NBPF14: variants seen among roughly 807,000 people sequenced by gnomAD.
NBPF14 encodes the protein NBPF family member NBPF14.
Under a neutral mutation model 91.2 loss-of-function variants are expected in NBPF14, and 104 were observed. The observed-to-expected ratio is 1.14, with a 90% CI of 0.97 to 1.34. The LOEUF is 1.34. Ranked by LOEUF, NBPF14 falls within the 40% of genes most tolerant of loss-of-function variation. The pLI, the probability that NBPF14 is intolerant of heterozygous loss-of-function variation, is 0.00. For missense variants in NBPF14, 908 were observed against 783.0 expected, an observed-to-expected ratio of 1.16 and a Z score of -1.91; for synonymous variants, 294 against 303.8, an observed-to-expected ratio of 0.97 and a Z score of 0.34.
chr1:148,586,024 G>A lies in NBPF14; in HGVS notation c.1306+231C>T, dbSNP rs1197735867. ...TAAAACTAGACAGATGCTGCCTCTT[G>A]CTCCAAAGACCACCTTCCATCAAGG... On this transcript the variant is annotated intron_variant, in intron 9 of 70. Coordinates refer to ENST00000619423, the Ensembl canonical transcript of NBPF14. Among the ~76,000 whole-genome samples the A allele has an allele frequency of 2.2e-4, 33 of 147,996 alleles. No homozygotes were observed. In the South Asian group the frequency reaches 2.4e-3, roughly 11 times the overall value.
At position 148,535,347 on chromosome 1, in the gene NBPF14, T is replaced by C. The variant is rs1177019044; in HGVS notation, c.8441+106A>G. The C allele has an allele frequency of 4.6e-5, 27 of 581,664 alleles. 1 individual carries two copies. Among genetic ancestry groups the C allele is most frequent in the African/African-American group, 4.4e-4 (21 of 47,968 alleles). The allele number at this position is 581,664 out of a possible 1,614,324, so 36.0% of individuals were successfully genotyped here. ...CAACAGCAATGTCAGTAGGAGTAAT[T>C]CAACCTTCGCTGAAAACATGAAATT... On this transcript the variant is annotated intron_variant, in intron 68 of 70. Transcript: ENST00000619423.
exon 71 of NBPF14, chr1:148,532,226 T>A (rs1653867227): frequency 6.6e-6 from 1 of 150,770 alleles, no homozygotes; most frequent in African/African-American, 2.4e-5. Context: ...TGCAGTTGTC[T>A]GGTGATTACC....
chr1:148,532,394 A>C (rs1366855760), exon 71 of NBPF14: 9 of 163,310 alleles, frequency 5.5e-5, no homozygotes, highest in Admixed American at 5.1e-4. Flanking sequence ...AGGCCTCCCA[A>C]TGCTGTTTGT....
intron 59 of NBPF14, among the ~76,000 whole-genome samples, chr1:148,542,173 C>G (rs1395566197): frequency 2.9e-5 from 3 of 103,884 alleles, no homozygotes; most frequent in Admixed American, 8.4e-5. Context: ...AATATTTAGC[C>G]CTGTCTCAAC....
intron 6 of NBPF14, among the ~76,000 whole-genome samples, chr1:148,590,020 C>T (rs1268614789): frequency 2.7e-4 from 37 of 138,664 alleles, no homozygotes; most frequent in Non-Finnish European, 4.2e-4. Flanking sequence ...TGTGAGCCAG[C>T]GCCCCTGGTC....
intron 36 of NBPF14, among the ~76,000 whole-genome samples, 187 bp from the exon 37 acceptor site, chr1:148,560,152 A>G (rs1657507921): frequency 1.3e-5 from 2 of 151,272 alleles, no homozygotes; most frequent in Non-Finnish European, 1.5e-5. Flanking sequence ...TGAAAGAGAA[A>G]GACAGAGAGA....
At chr1:148,562,059 G>A (rs1657928824) in intron 34 of NBPF14, among the ~76,000 whole-genome samples, 177 bp downstream of exon 34, 1 of 75,990 alleles carries the variant, frequency 1.3e-5, no homozygotes, top group South Asian at 6.8e-4. Flanking sequence ...ATGATAAGGG[G>A]AGGAAGAAAT....
chr1:148,535,870 A>G (rs1176164566), intron 67 of NBPF14, among the ~76,000 whole-genome samples: 2 of 150,342 alleles, frequency 1.3e-5, no homozygotes, highest in Non-Finnish European at 3.0e-5. Context: ...TGTTCATGGT[A>G]GCGAGGATTT....
At chr1:148,559,698 C>T (rs1262681547) in intron 37 of NBPF14, 95 bp downstream of exon 37, 4 of 706,050 alleles carry the variant, frequency 5.7e-6, no homozygotes, top group East Asian at 2.9e-5. Flanking sequence ...GTGGCAATGA[C>T]ATCTCTCAGC....
At chr1:148,534,980 G>C (rs1396228913) in intron 68 of NBPF14, 124 bp from the exon 69 acceptor site, 1 of 730,466 alleles carries the variant, frequency 1.4e-6, no homozygotes, top group East Asian at 2.6e-5. Context: ...CATTAATGAG[G>C]TAACGAATTA....
chr1:148,539,268 T>G (rs1655491058), intron 63 of NBPF14, 142 bp downstream of exon 63: 2 of 626,792 alleles, frequency 3.2e-6, no homozygotes, highest in Admixed American at 4.1e-5. Flanking sequence ...AGACTACAGT[T>G]TCTTTACAAC....
At chr1:148,579,196 G>A (rs1378170041) in exon 13 of NBPF14, 4 of 414,208 alleles carry the variant, frequency 9.7e-6, no homozygotes, top group Non-Finnish European at 1.6e-5. Context: ...TTCATCCCAG[G>A]ACTCCTGGGG....
chr1:148,535,618 C>T, intron 67 of NBPF14, 114 bp from the exon 68 acceptor site: 1 of 229,716 alleles, frequency 4.4e-6, no homozygotes, highest in Non-Finnish European at 7.9e-6. Flanking sequence ...GAGAATAGGA[C>T]ACTGTGAGAG....
chr1:148,551,712 A>T (rs1366915104), intron 47 of NBPF14, among the ~76,000 whole-genome samples: 1 of 17,188 alleles, frequency 5.8e-5, no homozygotes, highest in East Asian at 1.7e-3. Flanking sequence ...TGAATTTGTC[A>T]CATCTGCCCA....
chr1:148,532,981 A>T (rs781901492), exon 71 of NBPF14: 1 of 560,622 alleles, frequency 1.8e-6, no homozygotes, highest in Non-Finnish European at 2.9e-6. Context: ...CAGGAATGAC[A>T]TCTCTCGGAT....
intron 8 of NBPF14, among the ~76,000 whole-genome samples, chr1:148,587,019 C>T (rs1168109092): frequency 1.4e-5 from 2 of 146,982 alleles, no homozygotes; most frequent in African/African-American, 2.5e-5. Flanking sequence ...ATACTGAATG[C>T]TGCTGTGTGG....
Position 148,572,616 on chromosome 1 carries a change from C to T in NBPF14, c.2586-1G>A. ...CTCATCCAGCAGCTCCCTGCTGAGC[C>T]TGGAAAAGTGGGAAAAAGTAAAGAA... On this transcript the variant is annotated splice_acceptor_variant, in intron 20 of 70. Transcript: ENST00000619423. LOFTEE classifies it high-confidence loss of function. 1 of 567,654 alleles carries T rather than the reference C, an allele frequency of 1.8e-6. No individual in the cohort carries two copies. Among genetic ancestry groups the T allele is most frequent in the East Asian group, 2.9e-5 (1 of 34,772 alleles). The allele number at this position is 567,654 out of a possible 1,614,324, so 35.2% of individuals were successfully genotyped here. A position where few individuals can be genotyped will look rare whatever the true frequency, so the allele number is the denominator to read the frequency against.
At chr1:148,534,357 A>G (rs1387432625) in intron 69 of NBPF14, among the ~76,000 whole-genome samples, 1 of 151,826 alleles carries the variant, frequency 6.6e-6, no homozygotes, top group Non-Finnish European at 1.5e-5. Flanking sequence ...AGACACTGAA[A>G]TTAGAGTGAA....
chr1:148,576,883 C>G (rs1210525019), intron 15 of NBPF14, among the ~76,000 whole-genome samples: 1,745 of 120,572 alleles, frequency 0.014, no homozygotes, highest in Middle Eastern at 0.024. Context: ...ACAAGATCTA[C>G]AAAATTGAGA....
Sources: gnomAD v4.1 joint callset for allele counts (sites outside exome capture counted in the v4.1 genomes callset) on GRCh38, gnomAD v4.1.1 for gene constraint, MANE v1.5 for transcripts, NCBI Gene and HGNC (gene_info 2026-07-23, HGNC 2026-07-21) for gene names.